EBF1: variants seen among roughly 807,000 people sequenced by gnomAD.
The protein encoded by EBF1 is EBF transcription factor 1.
In EBF1, 10 loss-of-function variants were observed where a neutral mutation model predicts 68.4. The ratio of observed to expected loss-of-function variants is 0.15; its 90% CI spans 0.09 to 0.25. The LOEUF is 0.25. EBF1 is among the 10% of genes least tolerant of loss of function. The pLI is 1.00. For synonymous variants in EBF1, 298 were observed against 299.8 expected (o/e 0.99, Z 0.06); for missense variants, 509 against 794.4 (o/e 0.64, Z 4.32).
At position 159,026,048 on chromosome 5, in the gene EBF1, G is replaced by A. The variant is rs902337167; in HGVS notation, c.554+47348C>T. Among the ~76,000 whole-genome samples, 3 of 152,174 alleles carry A rather than the reference G, an allele frequency of 2.0e-5. No individual in the cohort carries two copies. In the East Asian group the frequency reaches 5.8e-4, roughly 29 times the overall value. ...AGTGTGAATGAAATAGAGCATGGTG[G>A]GAGAGATTTCCTAGCTCCGTTTTTC... On this transcript the variant is annotated intron_variant, in intron 6 of 15. Transcript: ENST00000313708.
intron 10 of EBF1, among the ~76,000 whole-genome samples, chr5:158,772,984 C>A (rs1347012914): frequency 6.6e-6 from 1 of 152,044 alleles, no homozygotes; most frequent in African/African-American, 2.4e-5. Flanking sequence ...CCAAGGATAA[C>A]CTCTCTAGTA....
At chr5:158,909,432 C>T (rs542732227) in intron 6 of EBF1, among the ~76,000 whole-genome samples, 4 of 152,040 alleles carry the variant, frequency 2.6e-5, no homozygotes, top group Non-Finnish European at 4.4e-5. Flanking sequence ...GACCAAGAAC[C>T]CTGGTCGCAT....
chr5:158,886,083 C>T (rs1305926708), intron 6 of EBF1, among the ~76,000 whole-genome samples: 1 of 152,164 alleles, frequency 6.6e-6, no homozygotes, highest in Non-Finnish European at 1.5e-5. Context: ...TTGCCCAACT[C>T]TTCTGTCCTA....
chr5:158,899,073 A>C (rs1487041010), intron 6 of EBF1, among the ~76,000 whole-genome samples: 2 of 152,262 alleles, frequency 1.3e-5, no homozygotes, highest in East Asian at 1.9e-4. Flanking sequence ...AAGATGCGTA[A>C]GTTATTCAAT....
At chr5:159,021,620 T>A (rs1276604968) in intron 6 of EBF1, among the ~76,000 whole-genome samples, 1 of 152,234 alleles carries the variant, frequency 6.6e-6, no homozygotes, top group Non-Finnish European at 1.5e-5. Context: ...CAAGAACTAC[T>A]CAGCTCCACT....
chr5:158,810,558 C>A (rs569516033), intron 8 of EBF1, among the ~76,000 whole-genome samples: 37 of 152,262 alleles, frequency 2.4e-4, no homozygotes, highest in African/African-American at 8.9e-4. Flanking sequence ...TCCCTGTTCC[C>A]TGGGTCCCCT....
chr5:158,975,879 C>A (rs1756638383), intron 6 of EBF1, among the ~76,000 whole-genome samples: 1 of 152,200 alleles, frequency 6.6e-6, no homozygotes, highest in Admixed American at 6.5e-5. Flanking sequence ...ATTAGGACAG[C>A]AAGCACGCCC....
At chr5:158,851,698 G>C in intron 6 of EBF1, among the ~76,000 whole-genome samples, 1 of 110,356 alleles carries the variant, frequency 9.1e-6, no homozygotes, top group Non-Finnish European at 2.0e-5. Context: ...GAAGTAAAGG[G>C]AAGGAAAGGG....
chr5:158,875,058 C>T (rs945957115), intron 6 of EBF1, among the ~76,000 whole-genome samples: 63 of 116,970 alleles, frequency 5.4e-4, no homozygotes, highest in Admixed American at 2.7e-3. Flanking sequence ...CACACACATA[C>T]ACACACACAC....
intron 7 of EBF1, among the ~76,000 whole-genome samples, chr5:158,834,995 T>A (rs1788433965): frequency 6.6e-6 from 1 of 152,046 alleles, no homozygotes; most frequent in Non-Finnish European, 1.5e-5. Context: ...AGACCAGAGT[T>A]TTTTTGTGCC....
chr5:159,087,387 T>TATATATACATATATATACACACAC (rs1780889715), intron 4 of EBF1, among the ~76,000 whole-genome samples: 1 of 143,278 alleles, frequency 7.0e-6, no homozygotes, highest in African/African-American at 2.7e-5. Context: ...TATATACACA[T>TATATATACATATATATACACACAC]ATATATACAT....
intron 6 of EBF1, among the ~76,000 whole-genome samples, chr5:159,041,124 C>T (rs1430500400): frequency 1.3e-5 from 2 of 152,236 alleles, no homozygotes; most frequent in African/African-American, 4.8e-5. Context: ...CATCGTCACA[C>T]ACATCAATGG....
chr5:158,925,054 C>T (rs1809360151), intron 6 of EBF1, among the ~76,000 whole-genome samples: 1 of 152,058 alleles, frequency 6.6e-6, no homozygotes, highest in Admixed American at 6.6e-5. Context: ...ATAAACTAAA[C>T]TCACCCCAAT....
chr5:158,924,396 T>C (rs1369904950), intron 6 of EBF1, among the ~76,000 whole-genome samples: 1 of 152,144 alleles, frequency 6.6e-6, no homozygotes, highest in African/African-American at 2.4e-5. Flanking sequence ...CACAAATCCC[T>C]GGATGCCACT....
intron 6 of EBF1, among the ~76,000 whole-genome samples, chr5:158,990,268 G>C (rs982255841): frequency 6.6e-6 from 1 of 152,194 alleles, no homozygotes; most frequent in Admixed American, 6.5e-5. Flanking sequence ...CCAGCCTCTG[G>C]GTTCCTACCA....
Position 159,073,403 on chromosome 5 carries a change from T to A in EBF1, c.547A>T (p.Ile183Phe). The A allele has an allele frequency of 6.2e-7, 1 of 1,614,100 alleles. No individual in the cohort carries two copies. Among genetic ancestry groups the A allele is most frequent in the Middle Eastern group, 1.6e-4 (1 of 6,062 alleles). ...AAGAAGAGTGGTCCCTACCTGTCAA[T>A]TATCACTGGATCTGAGGGAGTCTCA... ...RNETPSDPVI[I>F]DRFFLKFFLK... The change falls in exon 6 of 16, where the codon ATT becomes TTT. Residue 183 changes from isoleucine (I) to phenylalanine (F), a missense_variant. Coordinates refer to ENST00000313708, the MANE Select transcript of EBF1 (RefSeq NM_024007.5).
intron 6 of EBF1, among the ~76,000 whole-genome samples, chr5:158,982,736 C>G (rs1183352126): frequency 6.6e-6 from 1 of 151,620 alleles, no homozygotes. Flanking sequence ...GTCCATGATC[C>G]CTTGATTCCG....
chr5:158,936,137 T>A (rs1287158135), intron 6 of EBF1, among the ~76,000 whole-genome samples: 1 of 152,178 alleles, frequency 6.6e-6, no homozygotes, highest in Admixed American at 6.5e-5. Flanking sequence ...CCTTGCTACC[T>A]CCATTTTTGC....
intron 6 of EBF1, among the ~76,000 whole-genome samples, chr5:159,056,619 A>G (rs569301477): frequency 1.3e-5 from 2 of 152,358 alleles, no homozygotes; most frequent in African/African-American, 4.8e-5. Flanking sequence ...TGGTTTGAGT[A>G]GGAAGAAATA....
Sources: allele counts gnomAD v4.1 joint callset (sites outside exome capture counted in the v4.1 genomes callset), GRCh38; gene constraint gnomAD v4.1.1; transcripts MANE v1.5; gene names NCBI Gene and HGNC (gene_info 2026-07-23, HGNC 2026-07-21).